Variants in ESRRG observed in about 807,000 individuals in gnomAD.
ESRRG encodes the protein estrogen related receptor gamma.
In ESRRG, 13 loss-of-function variants were observed where a neutral mutation model predicts 44.0. That is an observed-to-expected ratio of 0.30 (90% CI 0.19 to 0.47). The LOEUF (loss-of-function observed/expected upper bound fraction) is 0.47. ESRRG is among the 20% of genes least tolerant of loss of function. The pLI, the probability that ESRRG is intolerant of heterozygous loss-of-function variation, is 1.00. For synonymous variants in ESRRG, 215 were observed against 214.6 expected, an observed-to-expected ratio of 1.00 and a Z score of -0.02; for missense variants, 395 against 580.6, an observed-to-expected ratio of 0.68 and a Z score of 3.29.
At chr1:217,037,620 C>G (rs968615882) in intron 1 of ESRRG, among the ~76,000 whole-genome samples, 1 of 152,124 alleles carries the variant, frequency 6.6e-6, no homozygotes, top group African/African-American at 2.4e-5. Context: ...CCCAGCCCCT[C>G]CCAAATCTCC....
intron 1 of ESRRG, among the ~76,000 whole-genome samples, chr1:216,678,905 AT>A (rs1000166276): frequency 2.6e-5 from 4 of 152,162 alleles, no homozygotes; most frequent in African/African-American, 7.2e-5. Context: ...CATTGCACAA[AT>A]TTCATGCCCT....
intron 2 of ESRRG, among the ~76,000 whole-genome samples, chr1:216,872,686 G>A (rs571670850): frequency 6.6e-6 from 1 of 152,110 alleles, no homozygotes; most frequent in Admixed American, 6.5e-5. Context: ...CTATTGCTGA[G>A]GTTTTCTACT....
intron 2 of ESRRG, among the ~76,000 whole-genome samples, chr1:216,916,097 A>T (rs2061131931): frequency 6.6e-6 from 1 of 152,172 alleles, no homozygotes; most frequent in Non-Finnish European, 1.5e-5. Flanking sequence ...TTCAAGCATT[A>T]ACCTTTGATG....
chr1:216,666,550 A>G (rs1369921015), intron 2 of ESRRG, among the ~76,000 whole-genome samples: 3 of 152,218 alleles, frequency 2.0e-5, no homozygotes, highest in Non-Finnish European at 4.4e-5. Context: ...AAGGAAAGCT[A>G]TTAGAGTGCT....
chr1:216,888,973 A>G (rs1310096724), intron 2 of ESRRG, among the ~76,000 whole-genome samples: 1 of 152,214 alleles, frequency 6.6e-6, no homozygotes, highest in Admixed American at 6.5e-5. Flanking sequence ...GAGGAATCTT[A>G]AAATAAGCTC....
intron 3 of ESRRG, among the ~76,000 whole-genome samples, chr1:216,578,346 G>A (rs1199743014): frequency 1.3e-5 from 2 of 152,032 alleles, no homozygotes; most frequent in African/African-American, 2.4e-5. Flanking sequence ...GGAATGCTCT[G>A]TGTAAAAGAA....
At chr1:216,759,062 T>C (rs2092624060) in intron 2 of ESRRG, among the ~76,000 whole-genome samples, 1 of 152,112 alleles carries the variant, frequency 6.6e-6, no homozygotes, top group Admixed American at 6.6e-5. Context: ...CATATGTTCC[T>C]AGCCATAAGG....
At chr1:217,015,657 CG>C (rs927040831) in intron 1 of ESRRG, among the ~76,000 whole-genome samples, 4 of 151,488 alleles carry the variant, frequency 2.6e-5, no homozygotes. Flanking sequence ...ATCTTAATTA[CG>C]TATGGCAAGC....
In ESRRG at chr1:216,583,590, C is replaced by A. The variant is rs149158766; in HGVS notation, c.590-15492G>T. On this transcript the variant is annotated intron_variant, in intron 3 of 6. Transcript: ENST00000408911. ...CTCTTAGCATTCAGAGTCCCTCTGGCTGAATAAATGAAAGACTGTGAAATT... is the reference window on the plus strand; with the variant it reads ...CTCTTAGCATTCAGAGTCCCTCTGGATGAATAAATGAAAGACTGTGAAATT... 7.9e-5 allele frequency among the ~76,000 whole-genome samples: 12 copies of A among 152,234 alleles called. No individual in the cohort carries two copies. The South Asian group carries it at 2.5e-3, about 32-fold the overall frequency.
At chr1:217,122,849 C>T (rs894068566) in intron 1 of ESRRG, among the ~76,000 whole-genome samples, 1 of 150,342 alleles carries the variant, frequency 6.7e-6, no homozygotes, top group African/African-American at 2.4e-5. Context: ...TTTCTTTTTT[C>T]TTTTTTTTTA....
upstream of ESRRG, among the ~76,000 whole-genome samples, chr1:216,726,211 A>T (rs1245409067): frequency 6.6e-6 from 1 of 152,164 alleles, no homozygotes; most frequent in East Asian, 1.9e-4. Flanking sequence ...GAGTGACCAG[A>T]TGTGTACTAG....
At chr1:216,802,310 G>A (rs1315188284) in intron 2 of ESRRG, among the ~76,000 whole-genome samples, 1 of 152,168 alleles carries the variant, frequency 6.6e-6, no homozygotes, top group Non-Finnish European at 1.5e-5. Context: ...GGAAGTGGGA[G>A]AATTGTAGTT....
intron 2 of ESRRG, among the ~76,000 whole-genome samples, chr1:216,812,344 C>A (rs1447878749): frequency 6.6e-6 from 1 of 152,030 alleles, no homozygotes; most frequent in Non-Finnish European, 1.5e-5. Context: ...AACTGCTTTG[C>A]AAAAACCAAA....
chr1:216,893,542 G>C (rs1191811100), intron 2 of ESRRG, among the ~76,000 whole-genome samples: 1 of 152,066 alleles, frequency 6.6e-6, no homozygotes, highest in African/African-American at 2.4e-5. Flanking sequence ...TATGTCATTT[G>C]TCCTAGACAC....
intron 2 of ESRRG, among the ~76,000 whole-genome samples, chr1:216,818,431 G>T (rs1228856533): frequency 1.3e-5 from 2 of 152,148 alleles, no homozygotes. Flanking sequence ...ATCTGGTTTG[G>T]CATGGGCACT....
chr1:217,066,550 G>A (rs2151410015), intron 1 of ESRRG, among the ~76,000 whole-genome samples: 1 of 152,244 alleles, frequency 6.6e-6, no homozygotes, highest in Non-Finnish European at 1.5e-5. Flanking sequence ...CTCCCATGGG[G>A]AGAATTCTAA....
chr1:216,557,131 T>C (rs1459445339), intron 5 of ESRRG, among the ~76,000 whole-genome samples: 1 of 152,174 alleles, frequency 6.6e-6, no homozygotes, highest in Non-Finnish European at 1.5e-5. Context: ...CAGCTAGTGA[T>C]TGACTTGTTT....
At chr1:217,032,619 T>C (rs1252093543) in intron 1 of ESRRG, among the ~76,000 whole-genome samples, 1 of 152,228 alleles carries the variant, frequency 6.6e-6, no homozygotes, top group East Asian at 1.9e-4. Context: ...AAAAGTTATA[T>C]ATTCTGTACA....
chr1:216,930,626 A>G (rs1192739294), intron 2 of ESRRG, among the ~76,000 whole-genome samples: 1 of 152,202 alleles, frequency 6.6e-6, no homozygotes. Flanking sequence ...CCTTCCAGAA[A>G]TTTCAATCTA....
Sources: allele counts gnomAD v4.1 joint callset (sites outside exome capture counted in the v4.1 genomes callset), GRCh38; gene constraint gnomAD v4.1.1; transcripts MANE v1.5; gene names NCBI Gene and HGNC (gene_info 2026-07-23, HGNC 2026-07-21).